Variants in LRRC49 observed in about 807,000 individuals in gnomAD.
LRRC49 encodes leucine rich repeat containing 49.
LRRC49 carries 50 observed loss-of-function variants against 83.3 expected under a neutral mutation model. The ratio of observed to expected loss-of-function variants is 0.60; its 90% CI spans 0.48 to 0.76. The LOEUF (loss-of-function observed/expected upper bound fraction) is 0.76. Among genes scored for constraint, LRRC49 ranks in the 30% least tolerant of loss-of-function variants. The pLI, the probability that LRRC49 is intolerant of heterozygous loss-of-function variation, is 0.00. For missense variants in LRRC49, 704 were observed against 809.1 expected (o/e 0.87, Z 1.58); for synonymous variants, 286 against 283.3 (o/e 1.01, Z -0.10).
intron 2 of LRRC49, among the ~76,000 whole-genome samples, chr15:70,874,978 T>C (rs536023869): frequency 7.2e-5 from 11 of 152,344 alleles, no homozygotes; most frequent in African/African-American, 2.6e-4. Context: ...TTTCACTAAG[T>C]AAGAGTTGCA....
At chr15:71,022,339 C>T (rs2039019649) in intron 14 of LRRC49, among the ~76,000 whole-genome samples, 1 of 152,040 alleles carries the variant, frequency 6.6e-6, no homozygotes, top group African/African-American at 2.4e-5. Context: ...TGCAACTGCA[C>T]CCCAGCCTGG....
At chr15:70,873,156 A>AT in exon 2 of LRRC49, 1 of 1,516,156 alleles carries the variant, frequency 6.6e-7, no homozygotes. Context: ...AAGTGTTGGG[A>AT]TTACAGGAGT....
intron 1 of LRRC49, chr15:70,858,828 C>T: frequency 2.5e-6 from 2 of 793,584 alleles, no homozygotes; most frequent in Non-Finnish European, 4.4e-6. Flanking sequence ...TGAGATTCTC[C>T]CGAGTGGGCA....
chr15:70,943,918 T>C (rs1441963623), intron 8 of LRRC49, among the ~76,000 whole-genome samples: 1 of 152,226 alleles, frequency 6.6e-6, no homozygotes, highest in African/African-American at 2.4e-5. Context: ...CATTCCTGGT[T>C]GCTGGGGAGC....
intron 14 of LRRC49, among the ~76,000 whole-genome samples, chr15:71,026,581 A>G (rs917010978): frequency 4.6e-5 from 7 of 152,050 alleles, no homozygotes; most frequent in Admixed American, 6.6e-5. Context: ...GCAAGACCCT[A>G]TTTCTCCACA....
intron 4 of LRRC49, among the ~76,000 whole-genome samples, chr15:70,902,074 AC>A (rs1415721683): frequency 1.3e-5 from 2 of 152,216 alleles, no homozygotes; most frequent in African/African-American, 4.8e-5. Context: ...GAAAAGTAAC[AC>A]TGAAGGGCAG....
chr15:70,952,755 G>A (rs2036264615), intron 8 of LRRC49, among the ~76,000 whole-genome samples: 1 of 152,060 alleles, frequency 6.6e-6, no homozygotes, highest in African/African-American at 2.4e-5. Flanking sequence ...TTATTGTTTG[G>A]TTGTCTGAAT....
chr15:70,863,392 T>A (rs1216502694), intron 1 of LRRC49, among the ~76,000 whole-genome samples: 1 of 152,250 alleles, frequency 6.6e-6, no homozygotes. Flanking sequence ...GCCAGGCCCA[T>A]GCCACCATTC....
At chr15:71,011,320 G>A (rs1206100801) in intron 13 of LRRC49, among the ~76,000 whole-genome samples, 3 of 152,070 alleles carry the variant, frequency 2.0e-5, no homozygotes, top group East Asian at 1.9e-4. Flanking sequence ...GTAACACACC[G>A]TTACCTCAGT....
chr15:70,929,210 C>G (rs2035320962), intron 7 of LRRC49, among the ~76,000 whole-genome samples: 1 of 152,018 alleles, frequency 6.6e-6, no homozygotes, highest in South Asian at 2.1e-4. Flanking sequence ...ATTTCTAATG[C>G]AGGTATACCT....
intron 2 of LRRC49, among the ~76,000 whole-genome samples, chr15:70,883,277 C>T (rs2033314751): frequency 6.6e-6 from 1 of 152,058 alleles, no homozygotes; most frequent in Non-Finnish European, 1.5e-5. Flanking sequence ...CTGCAATCTC[C>T]GCCTGCCGGG....
At chr15:70,898,528 A>G in intron 3 of LRRC49, 1 of 624,998 alleles carries the variant, frequency 1.6e-6, no homozygotes, top group Non-Finnish European at 2.9e-6. Flanking sequence ...TAACCCCAGC[A>G]CTTTGGGAGG....
intron 1 of LRRC49, among the ~76,000 whole-genome samples, chr15:70,860,971 T>C (rs2032774918): frequency 6.6e-6 from 1 of 152,178 alleles, no homozygotes; most frequent in African/African-American, 2.4e-5. Flanking sequence ...TTGGCTAAAG[T>C]GGCCTTGTCG....
At chr15:71,015,933 C>G (rs1422132947) in intron 14 of LRRC49, among the ~76,000 whole-genome samples, 1 of 152,090 alleles carries the variant, frequency 6.6e-6, no homozygotes, top group Non-Finnish European at 1.5e-5. Context: ...TTACTTGCAG[C>G]TCTAAAAATA....
At chr15:70,875,628 C>G (rs1348248792) in intron 2 of LRRC49, among the ~76,000 whole-genome samples, 1 of 152,218 alleles carries the variant, frequency 6.6e-6, no homozygotes, top group African/African-American at 2.4e-5. Context: ...TTATGGAACA[C>G]TTACCATGTG....
At chr15:70,919,635 G>T (rs1340867693) in intron 7 of LRRC49, among the ~76,000 whole-genome samples, 1 of 152,156 alleles carries the variant, frequency 6.6e-6, no homozygotes, top group Non-Finnish European at 1.5e-5. Flanking sequence ...TGGTATGGTG[G>T]GAAAAGCATT....
At chr15:70,859,310 G>A in intron 1 of LRRC49, 1 of 799,702 alleles carries the variant, frequency 1.3e-6, no homozygotes. Flanking sequence ...CAAGAAGGAT[G>A]TGGATGAAGC....
chr15:70,956,477 A>T (rs1296259268), intron 8 of LRRC49, among the ~76,000 whole-genome samples: 11 of 150,708 alleles, frequency 7.3e-5, no homozygotes, highest in Non-Finnish European at 1.6e-4. Flanking sequence ...GATGAGAGCA[A>T]TTGAGTGTTC....
chr15:71,023,927 G>A (rs926881209), intron 14 of LRRC49, among the ~76,000 whole-genome samples: 11 of 152,092 alleles, frequency 7.2e-5, no homozygotes, highest in Non-Finnish European at 1.6e-4. Context: ...TGCCTAAGAC[G>A]ACTGAGCTTC....
Sources: gnomAD v4.1 joint callset for allele counts (sites outside exome capture counted in the v4.1 genomes callset) on GRCh38, gnomAD v4.1.1 for gene constraint, MANE v1.5 for transcripts, NCBI Gene and HGNC (gene_info 2026-07-23, HGNC 2026-07-21) for gene names.